Variants in OBI1 observed in about 807,000 individuals in gnomAD.
OBI1 encodes ring finger protein 219.
In OBI1, 59 loss-of-function variants were observed where a neutral mutation model predicts 62.4. That is an observed-to-expected ratio of 0.95 (90% CI 0.77 to 1.17). OBI1 has a LOEUF of 1.17. Among genes scored for constraint, OBI1 ranks in the 50% most tolerant of loss-of-function variants. OBI1 has a pLI of 0.00. For missense variants in OBI1, 875 were observed against 830.9 expected, an observed-to-expected ratio of 1.05 and a Z score of -0.65; for synonymous variants, 302 against 292.8, an observed-to-expected ratio of 1.03 and a Z score of -0.32.
Position 78,629,892 on chromosome 13 carries a change from T to TA in OBI1, c.638+5217dup, listed in dbSNP as rs555914916. ...GGTCACAGTAGAGAGATGTAAAAATTACATGGACTTTTGCTCTGGTAAATT... is the reference window on the plus strand; with the variant it reads ...GGTCACAGTAGAGAGATGTAAAAATTAACATGGACTTTTGCTCTGGTAAATT... On this transcript the variant is annotated intron_variant, in intron 5 of 5. Coordinates refer to ENST00000282003, the MANE Select transcript of OBI1 (RefSeq NM_024546.4). Among the ~76,000 whole-genome samples, 37 of 152,188 alleles carry TA rather than the reference T, an allele frequency of 2.4e-4. No individual in the cohort carries two copies. The East Asian group carries it at 7.0e-3, about 29-fold the overall frequency.
chr13:78,618,758 C>G (rs1875411489), intron 5 of OBI1, among the ~76,000 whole-genome samples: 1 of 152,096 alleles, frequency 6.6e-6, no homozygotes, highest in Admixed American at 6.5e-5. Context: ...TAATAACAAG[C>G]CTCCCCATTT....
intron 5 of OBI1, among the ~76,000 whole-genome samples, chr13:78,634,110 AAAAC>A (rs1387340741): frequency 1.3e-5 from 2 of 151,650 alleles, no homozygotes; most frequent in African/African-American, 4.8e-5. Context: ...AAAAAAACAA[AAAAC>A]AAACAACAAA....
At chr13:78,648,324 C>A (rs1414752651) in intron 1 of OBI1, among the ~76,000 whole-genome samples, 3 of 145,736 alleles carry the variant, frequency 2.1e-5, no homozygotes, top group African/African-American at 7.9e-5. Flanking sequence ...ACACACACAC[C>A]CCTGCAATAT....
intron 1 of OBI1, among the ~76,000 whole-genome samples, chr13:78,655,474 T>C (rs1321281494): frequency 2.6e-5 from 4 of 152,122 alleles, no homozygotes; most frequent in East Asian, 1.9e-4. Flanking sequence ...AAAAACATTA[T>C]TGGGTAGAGA....
intron 5 of OBI1, among the ~76,000 whole-genome samples, chr13:78,631,999 T>C (rs1156773193): frequency 2.0e-5 from 3 of 152,154 alleles, no homozygotes; most frequent in Non-Finnish European, 2.9e-5. Context: ...AGTCAAGTTT[T>C]TGGAAAATAG....
intron 5 of OBI1, among the ~76,000 whole-genome samples, chr13:78,621,908 C>T (rs763132294): frequency 6.6e-6 from 1 of 152,166 alleles, no homozygotes; most frequent in Non-Finnish European, 1.5e-5. Context: ...ATGATGCTAG[C>T]TTCATATCAT....
intron 3 of OBI1, among the ~76,000 whole-genome samples, chr13:78,641,433 A>G (rs1315506518): frequency 6.6e-6 from 1 of 152,178 alleles, no homozygotes; most frequent in Admixed American, 6.5e-5. Flanking sequence ...AAACTGAAAG[A>G]TATTTTGAGT....
chr13:78,631,027 T>C (rs530504212), intron 5 of OBI1, among the ~76,000 whole-genome samples: 20 of 152,312 alleles, frequency 1.3e-4, no homozygotes, highest in African/African-American at 4.8e-4. Context: ...TTGGTTATTA[T>C]GTTTCATAGT....
intron 4 of OBI1, among the ~76,000 whole-genome samples, chr13:78,635,647 A>C (rs1876005795): frequency 6.6e-6 from 1 of 152,224 alleles, no homozygotes; most frequent in Non-Finnish European, 1.5e-5. Flanking sequence ...TAGTGATAAC[A>C]AATCTAATAT....
chr13:78,639,124 T>C, intron 3 of OBI1, 53 bp from the exon 4 acceptor site: 1 of 1,535,228 alleles, frequency 6.5e-7, no homozygotes, highest in Non-Finnish European at 8.8e-7. Flanking sequence ...AACACATACA[T>C]ACATATGCTA....
intron 1 of OBI1, among the ~76,000 whole-genome samples, chr13:78,646,140 T>C (rs1467792034): frequency 6.6e-6 from 1 of 152,214 alleles, no homozygotes; most frequent in Non-Finnish European, 1.5e-5. Context: ...CTGTTTGTAG[T>C]TGTTTTATCA....
chr13:78,653,250 T>C (rs1001236257), intron 1 of OBI1, among the ~76,000 whole-genome samples: 6 of 152,234 alleles, frequency 3.9e-5, no homozygotes, highest in African/African-American at 1.4e-4. Context: ...TATTACAGGA[T>C]GTCTGGCTAG....
intron 5 of OBI1, among the ~76,000 whole-genome samples, chr13:78,628,716 G>T (rs980285381): frequency 2.6e-5 from 4 of 152,146 alleles, no homozygotes; most frequent in Non-Finnish European, 5.9e-5. Flanking sequence ...ACAGTTTTGA[G>T]TATGGTGAAA....
intron 5 of OBI1, among the ~76,000 whole-genome samples, chr13:78,623,979 C>T (rs1224683529): frequency 6.6e-6 from 1 of 152,146 alleles, no homozygotes; most frequent in Non-Finnish European, 1.5e-5. Flanking sequence ...GATATAAAGA[C>T]TAAGTTTGAA....
At position 78,616,237 on chromosome 13, in the gene OBI1, G is replaced by C; in HGVS notation, c.1524C>G (p.Ser508=). The part of the protein sequence containing the change: ...KLSEKSGLCL[S]KRLNSIRSFE... ...AAGAGCGAATAGAATTCAACCTTTT[G>C]GATAAACATAAGCCTGATTTCTCAC... The change falls in exon 6 of 6, where the codon TCC becomes TCG. Residue 508 remains serine (S), a synonymous_variant. Coordinates refer to ENST00000282003, the MANE Select transcript of OBI1 (RefSeq NM_024546.4). 1 of 1,613,810 alleles carries C rather than the reference G, an allele frequency of 6.2e-7. No homozygotes were observed. The highest frequency in any genetic ancestry group is 8.5e-7 in the Non-Finnish European group (1 of 1,179,826).
intron 4 of OBI1, among the ~76,000 whole-genome samples, chr13:78,637,391 G>C (rs1480871239): frequency 2.0e-5 from 3 of 152,178 alleles, no homozygotes; most frequent in South Asian, 2.1e-4. Context: ...GGGTAGCTTT[G>C]AGTATTGAAT....
chr13:78,627,254 T>A (rs1875699431), intron 5 of OBI1, among the ~76,000 whole-genome samples: 1 of 150,428 alleles, frequency 6.6e-6, no homozygotes, highest in South Asian at 2.1e-4. Context: ...ATTATGAATA[T>A]GATTTTTTAG....
intron 1 of OBI1, 100 bp downstream of exon 1, chr13:78,658,949 G>T: frequency 2.0e-6 from 2 of 1,000,484 alleles, no homozygotes; most frequent in Non-Finnish European, 3.1e-6. Flanking sequence ...CCATCTCCGC[G>T]CCTCACGCCC....
intron 2 of OBI1, among the ~76,000 whole-genome samples, chr13:78,644,401 T>C (rs1298156848): frequency 1.3e-5 from 2 of 152,222 alleles, no homozygotes; most frequent in Non-Finnish European, 2.9e-5. Flanking sequence ...AAAAACATGC[T>C]CTGGGTTTTC....
Sources: gnomAD v4.1 joint callset for allele counts (sites outside exome capture counted in the v4.1 genomes callset) on GRCh38, gnomAD v4.1.1 for gene constraint, MANE v1.5 for transcripts, NCBI Gene and HGNC (gene_info 2026-07-23, HGNC 2026-07-21) for gene names.